The following MGAT4C variants were observed in gnomAD, a reference collection of about 807,000 sequenced individuals.
MGAT4C encodes the protein MGAT4 family member C.
Under a neutral mutation model 40.1 loss-of-function variants are expected in MGAT4C, and 19 were observed. The observed-to-expected ratio is 0.47, with a 90% confidence interval of 0.33 to 0.70. The LOEUF is 0.70. Among genes scored for constraint, MGAT4C ranks in the 30% least tolerant of loss-of-function variants. The pLI, the probability that MGAT4C is intolerant of heterozygous loss-of-function variation, is 0.02. For missense variants in MGAT4C, 491 were observed against 563.2 expected (o/e 0.87, Z 1.30); for synonymous variants, 181 against 187.1 (o/e 0.97, Z 0.27).
intron 1 of MGAT4C, among the ~76,000 whole-genome samples, chr12:86,165,054 T>C (rs1166622443): frequency 1.3e-5 from 2 of 152,130 alleles, no homozygotes; most frequent in African/African-American, 4.8e-5. Flanking sequence ...TTGAATATGA[T>C]AATTTGGTAG....
Position 85,983,670 on chromosome 12 carries a change from C to A in MGAT4C, c.148G>T (p.Glu50Ter). ...TCCCTTATAAGTTGTTTGTCTCCTT[C>A]CTAAATACCAAGAAAGAAGCAAGGA... is the stretch of plus-strand genomic sequence containing the variant. ...NLYIEDSYVL[E>*]GDKQLIRETS... The change falls in exon 4 of 5, where the codon GAA becomes TAA. Residue 50 changes from glutamate to a stop codon, truncating the protein, a stop_gained and splice_region_variant. Transcript: ENST00000611864. LOFTEE classifies it high-confidence loss of function. 6.4e-7 allele frequency: 1 copy of A among 1,554,048 alleles called. No homozygotes were observed. The highest frequency in any genetic ancestry group is 1.2e-5 in the South Asian group (1 of 80,844).
chr12:86,408,475 C>CTATA (rs1363556793), intron 3 of MGAT4C, among the ~76,000 whole-genome samples: 50 of 104,336 alleles, frequency 4.8e-4, no homozygotes, highest in East Asian at 1.0e-3. Flanking sequence ...CTCTCTCTCT[C>CTATA]TCTCTATATA....
At chr12:86,143,405 C>A (rs839184) in intron 1 of MGAT4C, among the ~76,000 whole-genome samples, 2,680 of 152,214 alleles carry the variant, frequency 0.018, 70 homozygotes, top group African/African-American at 0.06. Context: ...GTATGTCTGG[C>A]TTTCTGCTTT....
intron 1 of MGAT4C, among the ~76,000 whole-genome samples, chr12:86,224,530 C>T (rs982226482): frequency 7.9e-5 from 12 of 152,174 alleles, no homozygotes; most frequent in Non-Finnish European, 1.3e-4. Context: ...TAGCATTATT[C>T]AGAGTAAACC....
intron 2 of MGAT4C, among the ~76,000 whole-genome samples, chr12:86,611,527 C>T (rs2195231): frequency 0.96 from 145,238 of 152,016 alleles, 69,623 homozygotes; most frequent in Non-Finnish European, 1. Flanking sequence ...TTCCTCTGGA[C>T]AGTTTACCTG....
chr12:86,085,321 G>T (rs1871587356), intron 1 of MGAT4C, among the ~76,000 whole-genome samples: 1 of 151,926 alleles, frequency 6.6e-6, no homozygotes, highest in African/African-American at 2.4e-5. Flanking sequence ...TTCTTTTAGG[G>T]TTTTTATGGT....
At chr12:86,729,203 T>C (rs914214256) in intron 1 of MGAT4C, among the ~76,000 whole-genome samples, 6 of 152,098 alleles carry the variant, frequency 3.9e-5, no homozygotes, top group Non-Finnish European at 8.8e-5. Flanking sequence ...TTAAAATAAG[T>C]AGAAGAGTAT....
intron 1 of MGAT4C, among the ~76,000 whole-genome samples, chr12:86,804,664 C>G (rs1471993485): frequency 1.3e-5 from 2 of 151,862 alleles, no homozygotes; most frequent in Admixed American, 6.6e-5. Flanking sequence ...CTGATTTCAA[C>G]TAAATTTATT....
At chr12:86,154,447 A>G (rs1445047256) in intron 1 of MGAT4C, among the ~76,000 whole-genome samples, 1 of 152,164 alleles carries the variant, frequency 6.6e-6, no homozygotes, top group Admixed American at 6.5e-5. Context: ...TGCAGGCAAA[A>G]TACCATTCAC....
Position 86,795,745 on chromosome 12 carries a change from C to T in MGAT4C, c.-262+42921G>A, listed in dbSNP as rs1952103651. 3.3e-5 allele frequency among the ~76,000 whole-genome samples: 5 copies of T among 151,976 alleles called. No homozygotes were observed. The South Asian group carries it at 1.0e-3, about 31-fold the overall frequency. On this transcript the variant is annotated intron_variant, in intron 1 of 7. Coordinates refer to the MGAT4C transcript ENST00000548651. ...CTGCTTCTATCCATCTACTTCCCCA[C>T]AAACCTGTTCCAGGAATTATTTGTC...
chr12:86,362,174 C>T (rs1429904762), intron 3 of MGAT4C, among the ~76,000 whole-genome samples: 6 of 152,198 alleles, frequency 3.9e-5, no homozygotes, highest in Non-Finnish European at 8.8e-5. Flanking sequence ...GGATGAGTTT[C>T]ATGTCCTTTG....
At chr12:86,325,625 C>A (rs1489330695) in intron 4 of MGAT4C, among the ~76,000 whole-genome samples, 6 of 152,120 alleles carry the variant, frequency 3.9e-5, no homozygotes, top group Non-Finnish European at 8.8e-5. Flanking sequence ...CACCTGTAAT[C>A]CCTGCATTTT....
At chr12:86,611,416 G>A (rs1432642795) in intron 2 of MGAT4C, among the ~76,000 whole-genome samples, 3 of 149,440 alleles carry the variant, frequency 2.0e-5, no homozygotes, top group Admixed American at 6.7e-5. Context: ...AGGTAGGTAG[G>A]TAGGTAGATA....
chr12:86,223,718 A>G (rs1165381401), intron 1 of MGAT4C, among the ~76,000 whole-genome samples: 2 of 152,146 alleles, frequency 1.3e-5, no homozygotes, highest in African/African-American at 4.8e-5. Context: ...GGGGCCTAGA[A>G]GTTGTCCAGC....
At chr12:85,981,599 G>A (rs1884610607) in intron 4 of MGAT4C, among the ~76,000 whole-genome samples, 1 of 152,110 alleles carries the variant, frequency 6.6e-6, no homozygotes, top group Non-Finnish European at 1.5e-5. Context: ...CAATGCTTAT[G>A]GAATGCTGTC....
intron 1 of MGAT4C, among the ~76,000 whole-genome samples, chr12:86,186,045 G>T (rs1293363442): frequency 1.3e-5 from 2 of 152,066 alleles, no homozygotes; most frequent in Middle Eastern, 3.2e-3. Flanking sequence ...GATTTGAAAA[G>T]AATGAAATCA....
chr12:86,701,054 A>T (rs1214955550), intron 2 of MGAT4C, among the ~76,000 whole-genome samples: 1 of 152,194 alleles, frequency 6.6e-6, no homozygotes, highest in African/African-American at 2.4e-5. Context: ...AAGATCTTAA[A>T]TAGAAACCTA....
chr12:86,379,139 T>C (rs1419648874), intron 3 of MGAT4C, among the ~76,000 whole-genome samples: 1 of 152,140 alleles, frequency 6.6e-6, no homozygotes, highest in East Asian at 1.9e-4. Flanking sequence ...TTTTAAAATA[T>C]TGGTAATACT....
intron 1 of MGAT4C, among the ~76,000 whole-genome samples, chr12:86,130,273 G>A (rs1880981492): frequency 1.0e-5 from 1 of 95,810 alleles, no homozygotes; most frequent in African/African-American, 3.4e-5. Context: ...ATTAAAGATT[G>A]TTATCACAAA....
Sources: gnomAD v4.1 joint callset for allele counts (sites outside exome capture counted in the v4.1 genomes callset) on GRCh38, gnomAD v4.1.1 for gene constraint, MANE v1.5 for transcripts, NCBI Gene and HGNC (gene_info 2026-07-23, HGNC 2026-07-21) for gene names.